Variants in THADA observed in about 807,000 individuals in gnomAD.
THADA encodes tRNA (32-2'-O)-methyltransferase regulator THADA.
In THADA, 213 loss-of-function variants were observed where a neutral mutation model predicts 219.8. The ratio of observed to expected loss-of-function variants is 0.97; its 90% CI spans 0.87 to 1.09. The LOEUF (loss-of-function observed/expected upper bound fraction) is 1.09, where lower values mean the gene tolerates loss of function less well. Among genes scored for constraint, THADA ranks in the 50% least tolerant of loss-of-function variants. THADA has a pLI of 0.00. For synonymous variants in THADA, 1,018 were observed against 828.9 expected (o/e 1.23, Z -3.92); for missense variants, 2,956 against 2,311.3 (o/e 1.28, Z -5.72).
At chr2:43,281,884 C>T (rs908288742) in intron 35 of THADA, among the ~76,000 whole-genome samples, 13 of 152,194 alleles carry the variant, frequency 8.5e-5, no homozygotes, top group African/African-American at 3.1e-4. Flanking sequence ...ATTCTCCTGC[C>T]TTAGCCTCCT....
At chr2:43,281,073 C>T (rs1558511098) in intron 35 of THADA, among the ~76,000 whole-genome samples, 1 of 152,184 alleles carries the variant, frequency 6.6e-6, no homozygotes, top group Non-Finnish European at 1.5e-5. Flanking sequence ...CACGCAGCAT[C>T]CCCATCCTTT....
At position 43,548,650 on chromosome 2, in the gene THADA, G is replaced by A. The variant is rs190602772; in HGVS notation, c.3106+560C>T. Among the ~76,000 whole-genome samples the A allele has an allele frequency of 3.0e-3, 463 of 152,330 alleles. 3 individuals carry two copies. The highest frequency in any genetic ancestry group is 4.3e-3 in the Non-Finnish European group (294 of 68,024). On this transcript the variant is annotated intron_variant, in intron 20 of 37. Coordinates refer to ENST00000405975, the MANE Select transcript of THADA (RefSeq NM_022065.5). ...CTGTGCTAGCAATCAGCGAGACTCC[G>A]TGGGCGTAGGACCCTCTGAGCCAGG...
intron 16 of THADA, among the ~76,000 whole-genome samples, chr2:43,558,199 T>C (rs1173826443): frequency 1.3e-5 from 2 of 152,096 alleles, no homozygotes; most frequent in Non-Finnish European, 2.9e-5. Context: ...CCTAGGTGAG[T>C]AGGATAGTCA....
intron 28 of THADA, among the ~76,000 whole-genome samples, chr2:43,401,938 TG>T (rs1259086544): frequency 6.9e-6 from 1 of 145,638 alleles, no homozygotes. Context: ...GGTTTTTTGT[TG>T]TTTTTTTTTT....
chr2:43,553,311 G>T (rs1696972310), intron 17 of THADA, among the ~76,000 whole-genome samples: 2 of 152,080 alleles, frequency 1.3e-5, no homozygotes, highest in Admixed American at 1.3e-4. Context: ...CCCAATATTG[G>T]TATTTTGAAG....
At chr2:43,573,392 G>A (rs1197862986) in intron 11 of THADA, among the ~76,000 whole-genome samples, 3 of 152,246 alleles carry the variant, frequency 2.0e-5, no homozygotes, top group Admixed American at 1.3e-4. Context: ...ATTTTAGAGT[G>A]GCTGTTTCTC....
intron 26 of THADA, among the ~76,000 whole-genome samples, chr2:43,477,905 T>C (rs1325444273): frequency 2.6e-5 from 4 of 152,248 alleles, no homozygotes; most frequent in Admixed American, 6.5e-5. Context: ...TTATGTTACA[T>C]GATCCCATAT....
chr2:43,273,431 A>C (rs1189763211), intron 36 of THADA, among the ~76,000 whole-genome samples: 3 of 152,204 alleles, frequency 2.0e-5, no homozygotes, highest in East Asian at 3.8e-4. Flanking sequence ...GGTACTTGGT[A>C]CATCTACAAT....
At chr2:43,545,400 G>C (rs1695889522) in intron 20 of THADA, among the ~76,000 whole-genome samples, 2 of 151,886 alleles carry the variant, frequency 1.3e-5, no homozygotes, top group African/African-American at 4.8e-5. Context: ...AAATGAGTTA[G>C]GGAGGATTCC....
In THADA at chr2:43,570,437, T is replaced by A. The variant is rs766715625; in HGVS notation, c.2138A>T (p.Glu713Val). Reference protein sequence around the residue: ...LEQSKSKREPENELTKQHPSV... With the variant: ...LEQSKSKREPVNELTKQHPSV... ...AGGGTGCTGTTTGGTTAACTCATTC[T>A]CTGGTTCACGTTTGGATTTACTCTG... The change falls in exon 14 of 38, where the codon GAG (glutamate) becomes GTG (valine). Residue 713 changes from glutamate to valine, a missense_variant. Coordinates refer to ENST00000405975, the MANE Select transcript of THADA (RefSeq NM_022065.5). 3 of 1,613,734 alleles carry A rather than the reference T, an allele frequency of 1.9e-6. No individual in the cohort carries two copies. In the South Asian group the frequency reaches 3.3e-5, roughly 18 times the overall value.
chr2:43,587,035 A>C, intron 4 of THADA, 33 bp from the exon 5 acceptor site: 5 of 1,592,270 alleles, frequency 3.1e-6, no homozygotes, highest in Non-Finnish European at 4.3e-6. Flanking sequence ...AAAATCTGAC[A>C]ATCTAATAGC....
At chr2:43,396,662 T>C (rs912668690) in intron 29 of THADA, among the ~76,000 whole-genome samples, 4 of 151,498 alleles carry the variant, frequency 2.6e-5, no homozygotes, top group African/African-American at 7.3e-5. Context: ...TTAGTGACTG[T>C]GGGGACAGGG....
intron 26 of THADA, among the ~76,000 whole-genome samples, chr2:43,457,930 A>G (rs924284578): frequency 2.6e-5 from 4 of 152,196 alleles, no homozygotes; most frequent in African/African-American, 9.7e-5. Context: ...AAAGGAAAAA[A>G]AAAATCCCAG....
At chr2:43,246,108 G>A (rs535998972) in intron 36 of THADA, among the ~76,000 whole-genome samples, 5 of 151,918 alleles carry the variant, frequency 3.3e-5, no homozygotes, top group African/African-American at 1.2e-4. Flanking sequence ...GCCTTATCTA[G>A]AATCCAGAAA....
At chr2:43,576,719 A>G (rs1699894036) in intron 10 of THADA, among the ~76,000 whole-genome samples, 1 of 152,170 alleles carries the variant, frequency 6.6e-6, no homozygotes, top group Non-Finnish European at 1.5e-5. Flanking sequence ...CAGTGGCACA[A>G]TCATATCTCA....
intron 26 of THADA, among the ~76,000 whole-genome samples, chr2:43,441,751 T>C (rs948304275): frequency 6.6e-6 from 1 of 152,232 alleles, no homozygotes; most frequent in Non-Finnish European, 1.5e-5. Flanking sequence ...CTAGCCTTAC[T>C]TTAAAAGGCC....
intron 28 of THADA, among the ~76,000 whole-genome samples, chr2:43,404,164 C>A (rs1033089376): frequency 2.6e-5 from 4 of 152,064 alleles, no homozygotes; most frequent in African/African-American, 9.7e-5. Flanking sequence ...AAGAGGGGAA[C>A]TCCTCTTCAT....
At chr2:43,554,328 C>T (rs1002282562) in intron 17 of THADA, among the ~76,000 whole-genome samples, 8 of 152,156 alleles carry the variant, frequency 5.3e-5, no homozygotes, top group African/African-American at 1.9e-4. Context: ...CTTGCATGTA[C>T]ATGTCCAGTT....
chr2:43,469,505 A>T (rs1385152189), intron 26 of THADA, among the ~76,000 whole-genome samples: 1 of 152,200 alleles, frequency 6.6e-6, no homozygotes, highest in African/African-American at 2.4e-5. Flanking sequence ...ATTCCCTTAA[A>T]TGAACATTAA....
Sources: allele counts gnomAD v4.1 joint callset (sites outside exome capture counted in the v4.1 genomes callset), GRCh38; gene constraint gnomAD v4.1.1; transcripts MANE v1.5; gene names NCBI Gene and HGNC (gene_info 2026-07-23, HGNC 2026-07-21).